Variants in CDK5RAP2 observed in about 807,000 individuals in gnomAD.
The protein encoded by CDK5RAP2 is CDK5 regulatory subunit associated protein 2.
Under a neutral mutation model 232.9 loss-of-function variants are expected in CDK5RAP2, and 147 were observed. The observed-to-expected ratio is 0.63, with a 90% CI of 0.55 to 0.72. The LOEUF (loss-of-function observed/expected upper bound fraction) is 0.72, where lower values mean the gene tolerates loss of function less well. Among genes scored for constraint, CDK5RAP2 ranks in the 30% least tolerant of loss-of-function variants. The pLI, the probability that CDK5RAP2 is intolerant of heterozygous loss-of-function variation, is 0.00. For synonymous variants in CDK5RAP2, 833 were observed against 833.7 expected, an observed-to-expected ratio of 1.00 and a Z score of 0.01; for missense variants, 2,195 against 2,231.5, an observed-to-expected ratio of 0.98 and a Z score of 0.33.
chr9:120,400,757 G>C lies in CDK5RAP2; in HGVS notation c.5436C>G (p.Pro1812=). 12 of 1,613,772 alleles carry C rather than the reference G, an allele frequency of 7.4e-6. No individual in the cohort carries two copies. The highest frequency in any genetic ancestry group is 1.0e-5 in the Non-Finnish European group (12 of 1,180,016). The change falls in exon 35 of 38, where the codon CCC becomes CCG. Residue 1812 remains proline, a synonymous_variant. Transcript: ENST00000349780. The part of the protein sequence containing the change: ...RVSLPEDGQC[P]LHCEQIGEMK... ...CACCACCTACCTGCTCACAGTGAAG[G>C]GGGCACTGGCCATCCTCGGGGAGTG...
At chr9:120,505,320 C>G (rs910806538) in intron 12 of CDK5RAP2, among the ~76,000 whole-genome samples, 1 of 152,154 alleles carries the variant, frequency 6.6e-6, no homozygotes, top group African/African-American at 2.4e-5. Context: ...TCAAATCACA[C>G]CCATATAAGA....
rs534379890 is a variant in CDK5RAP2, at chr9:120,521,553, T to C, written c.1093-2908A>G. On this transcript the variant is annotated intron_variant, in intron 11 of 37. Coordinates refer to ENST00000349780, the MANE Select transcript of CDK5RAP2 (RefSeq NM_018249.6). ...CACATGCTCTCTTGCCTGTGTCATG[T>C]AACATGCGTCTTTGCTCCTCCTTTG... is the stretch of plus-strand genomic sequence containing the variant. Among the ~76,000 whole-genome samples, 3 of 152,274 alleles carry C rather than the reference T, an allele frequency of 2.0e-5. No individual in the cohort carries two copies. In the South Asian group the frequency reaches 6.2e-4, roughly 32 times the overall value.
intron 28 of CDK5RAP2, among the ~76,000 whole-genome samples, chr9:120,414,219 T>C (rs569184699): frequency 4.1e-4 from 63 of 152,344 alleles, no homozygotes; most frequent in African/African-American, 1.5e-3. Flanking sequence ...GACCCTGTTC[T>C]ATGAAACAAT....
chr9:120,544,688 T>G (rs941233778), intron 5 of CDK5RAP2, among the ~76,000 whole-genome samples: 4 of 152,208 alleles, frequency 2.6e-5, no homozygotes, highest in African/African-American at 9.6e-5. Context: ...CCACATAAGC[T>G]TCTGGCTAGG....
chr9:120,514,893 C>T (rs1174277656), intron 12 of CDK5RAP2, among the ~76,000 whole-genome samples: 5 of 152,088 alleles, frequency 3.3e-5, no homozygotes, highest in African/African-American at 7.2e-5. Flanking sequence ...CCAGAGTTTA[C>T]ATGAATAAGT....
At chr9:120,557,535 C>T (rs1182841472) in intron 3 of CDK5RAP2, among the ~76,000 whole-genome samples, 1 of 152,130 alleles carries the variant, frequency 6.6e-6, no homozygotes, top group Admixed American at 6.5e-5. Context: ...CCAGAAGGCT[C>T]ACTTGAGCCC....
rs1268656789 is a variant in CDK5RAP2, at chr9:120,407,590, T to C, written c.4727-342A>G. ...GGGGATGATTTTAAGAGCCACACTA[T>C]ATTAAAAAGACACAACAGCAAGAAT... On this transcript the variant is annotated intron_variant, in intron 31 of 37. Coordinates refer to ENST00000349780, the MANE Select transcript of CDK5RAP2 (RefSeq NM_018249.6). The C allele has an allele frequency of 1.1e-5, 3 of 284,554 alleles. No homozygotes were observed. The East Asian group carries it at 2.3e-4, about 22-fold the overall frequency. 17.6% of individuals were successfully genotyped at this position (284,554 alleles called of 1,614,324 possible). A position where few individuals can be genotyped will look rare whatever the true frequency, so the allele number is the denominator to read the frequency against.
At chr9:120,532,909 A>C (rs892416215) in intron 7 of CDK5RAP2, among the ~76,000 whole-genome samples, 1 of 152,052 alleles carries the variant, frequency 6.6e-6, no homozygotes, top group African/African-American at 2.4e-5. Flanking sequence ...CCCTTCCCAA[A>C]GTCCCCCTTC....
chr9:120,579,593 C>A (rs1332503425), intron 1 of CDK5RAP2, among the ~76,000 whole-genome samples: 1 of 152,202 alleles, frequency 6.6e-6, no homozygotes, highest in Non-Finnish European at 1.5e-5. Context: ...CCCTCAAGGT[C>A]CCTGTTCTCC....
At position 120,389,216 on chromosome 9, in the gene CDK5RAP2, T is replaced by A. The variant is rs773202695; in HGVS notation, c.*20A>T. On this transcript the variant is annotated 3_prime_UTR_variant, in exon 38 of 38. Transcript: ENST00000349780. Reference sequence around the variant, plus strand: ...GAGCTCGGTGGGGGAAGCACAAGCTTTATTGGCTGAAAGTTCTTCTCAGGA... The same window carrying A: ...GAGCTCGGTGGGGGAAGCACAAGCTATATTGGCTGAAAGTTCTTCTCAGGA... The A allele has an allele frequency of 6.2e-7, 1 of 1,607,404 alleles. No homozygotes were observed. The highest frequency in any genetic ancestry group is 2.2e-5 in the East Asian group (1 of 44,820).
At position 120,403,793 on chromosome 9, in the gene CDK5RAP2, G is replaced by C. The variant is rs970273919; in HGVS notation, c.5041+243C>G. 2.9e-5 allele frequency: 16 copies of C among 550,380 alleles called. No individual in the cohort carries two copies. Among genetic ancestry groups the C allele is most frequent in the African/African-American group, 2.7e-4 (14 of 52,710 alleles). 34.1% of individuals were successfully genotyped at this position (550,380 alleles called of 1,614,324 possible). On this transcript the variant is annotated intron_variant, in intron 33 of 37. Coordinates refer to ENST00000349780, the MANE Select transcript of CDK5RAP2 (RefSeq NM_018249.6). The surrounding 1 kb of genome is among the most constrained non-coding windows in gnomAD (Gnocchi z 4.2). ...GGAGGGCCTTGAAAGCCTCACAAAG[G>C]TGGTCACAATTTTAATCTAAGGCAA... is the stretch of plus-strand genomic sequence containing the variant.
intron 14 of CDK5RAP2, among the ~76,000 whole-genome samples, chr9:120,479,344 CA>C (rs1383490179): frequency 1.3e-5 from 2 of 152,022 alleles, no homozygotes; most frequent in Admixed American, 1.3e-4. Flanking sequence ...CCAAGAAACA[CA>C]AAAGGATGCT....
intron 10 of CDK5RAP2, 111 bp downstream of exon 10, chr9:120,527,695 C>G: frequency 8.2e-7 from 1 of 1,223,772 alleles, no homozygotes; most frequent in Non-Finnish European, 1.2e-6. Context: ...ACTTTCTATA[C>G]TACCTCAGCT....
intron 1 of CDK5RAP2, among the ~76,000 whole-genome samples, chr9:120,579,051 G>A (rs997656633): frequency 2.0e-5 from 3 of 152,162 alleles, no homozygotes; most frequent in Admixed American, 1.3e-4. Flanking sequence ...GACAACCACA[G>A]GGGCCAGCCG....
At chr9:120,501,633 C>A (rs2039579623) in intron 12 of CDK5RAP2, among the ~76,000 whole-genome samples, 1 of 152,136 alleles carries the variant, frequency 6.6e-6, no homozygotes, top group Non-Finnish European at 1.5e-5. Context: ...CCTGCTGTGA[C>A]CATGAGAATA....
intron 12 of CDK5RAP2, among the ~76,000 whole-genome samples, chr9:120,518,221 G>GAGA (rs1564327961): frequency 2.1e-5 from 3 of 141,632 alleles, no homozygotes; most frequent in Middle Eastern, 7.1e-3. Flanking sequence ...GAGAGAGAGA[G>GAGA]AGAGAGAGAG....
chr9:120,451,581 AC>A (rs912568430), intron 21 of CDK5RAP2, among the ~76,000 whole-genome samples: 6 of 152,190 alleles, frequency 3.9e-5, no homozygotes, highest in Non-Finnish European at 5.9e-5. Flanking sequence ...ACCAAAGACC[AC>A]AAAAAATATC....
chr9:120,523,435 G>GA (rs2040759052), intron 11 of CDK5RAP2, among the ~76,000 whole-genome samples: 1 of 152,182 alleles, frequency 6.6e-6, no homozygotes, highest in Admixed American at 6.5e-5. Context: ...AGGAAAAAGA[G>GA]AAACAGTCTA....
Position 120,407,179 on chromosome 9 carries a change from T to C in CDK5RAP2, c.4796A>G (p.Gln1599Arg), listed in dbSNP as rs2033509772. The stretch of plus-strand genomic sequence containing the variant: ...CCTTTCTAGTTGCAAGCGCAGAGCC[T>C]GGATCTCCATCAGGAGGCTGTGCAG... ...RDLHSLLMEI[Q>R]ALRLQLERSI... The change falls in exon 32 of 38, where the codon CAG becomes CGG. Residue 1599 changes from glutamine to arginine, a missense_variant. Coordinates refer to ENST00000349780, the MANE Select transcript of CDK5RAP2 (RefSeq NM_018249.6). The C allele has an allele frequency of 1.2e-6, 2 of 1,613,936 alleles. No individual in the cohort carries two copies. Among genetic ancestry groups the C allele is most frequent in the Non-Finnish European group, 1.7e-6 (2 of 1,180,032 alleles).
Sources: allele counts gnomAD v4.1 joint callset (sites outside exome capture counted in the v4.1 genomes callset), GRCh38; gene constraint gnomAD v4.1.1; non-coding constraint Gnocchi (gnomAD v3.1); transcripts MANE v1.5; gene names NCBI Gene and HGNC (gene_info 2026-07-23, HGNC 2026-07-21).